Variants in TRMT11 observed in about 807,000 individuals in gnomAD.
The protein encoded by TRMT11 is tRNA methyltransferase 11.
TRMT11 carries 53 observed loss-of-function variants against 62.8 expected under a neutral mutation model. The observed-to-expected ratio is 0.84, with a 90% CI of 0.68 to 1.06. The LOEUF is 1.06. Ranked by LOEUF, TRMT11 falls within the 50% of genes least tolerant of loss-of-function variation. The pLI is 0.00. For missense variants in TRMT11, 556 were observed against 553.4 expected (o/e 1.00, Z -0.05); for synonymous variants, 188 against 190.3 (o/e 0.99, Z 0.10).
chr6:126,092,794 T>A (rs1424594528), intron 17 of TRMT11, among the ~76,000 whole-genome samples: 1 of 152,252 alleles, frequency 6.6e-6, no homozygotes, highest in Non-Finnish European at 1.5e-5. Context: ...ATCCAGTGTT[T>A]CTGTTTCCAA....
chr6:126,253,880 C>G, the TRMT11 span, among the ~76,000 whole-genome samples: 1 of 152,144 alleles, frequency 6.6e-6, no homozygotes, highest in Non-Finnish European at 1.5e-5. Context: ...TAGAATTTTT[C>G]CATTTATGTA....
At chr6:126,092,429 C>T (rs2128168872) in intron 17 of TRMT11, among the ~76,000 whole-genome samples, 1 of 152,276 alleles carries the variant, frequency 6.6e-6, no homozygotes, top group Admixed American at 6.5e-5. Flanking sequence ...AGAAAACCAT[C>T]AGATCTCATG....
At chr6:126,101,725 G>A (rs561961987) in intron 17 of TRMT11, among the ~76,000 whole-genome samples, 5 of 152,312 alleles carry the variant, frequency 3.3e-5, no homozygotes, top group African/African-American at 4.8e-5. Flanking sequence ...GGAAGCTGCC[G>A]CATTTCCAGT....
chr6:126,044,411 T>C (rs1775985480), intron 16 of TRMT11, among the ~76,000 whole-genome samples: 2 of 152,354 alleles, frequency 1.3e-5, no homozygotes, highest in South Asian at 2.1e-4. Flanking sequence ...TCCGTCGATC[T>C]ATATCTCTGT....
intron 17 of TRMT11, among the ~76,000 whole-genome samples, chr6:126,056,776 G>A (rs567952421): frequency 1.3e-5 from 2 of 152,326 alleles, no homozygotes; most frequent in African/African-American, 2.4e-5. Flanking sequence ...TCTGATGTGC[G>A]GTTAAATGTG....
intron 17 of TRMT11, among the ~76,000 whole-genome samples, chr6:126,093,626 TATA>T (rs1562321441): frequency 9.5e-6 from 1 of 105,516 alleles, no homozygotes; most frequent in African/African-American, 4.8e-5. Context: ...TATATATATA[TATA>T]TATTTTCCCC....
intron 1 of TRMT11, 47 bp downstream of exon 1, chr6:125,986,669 G>C (rs1481598287): frequency 2.0e-6 from 3 of 1,497,564 alleles, no homozygotes; most frequent in Non-Finnish European, 2.7e-6. Flanking sequence ...GAGGACGCTG[G>C]AGTGGAGTGG....
At chr6:126,008,586 C>A in intron 8 of TRMT11, 114 bp downstream of exon 8, 1 of 899,436 alleles carries the variant, frequency 1.1e-6, no homozygotes, top group Non-Finnish European at 1.9e-6. Flanking sequence ...TCCACTTATA[C>A]TCAGATTTAT....
chr6:126,011,115 ATAAAATTAAGATTT>A (rs1439690815), intron 8 of TRMT11, 124 bp from the exon 9 acceptor site: 4 of 650,868 alleles, frequency 6.1e-6, no homozygotes, highest in East Asian at 5.7e-5. Flanking sequence ...ACTTGTATAC[ATAAAATTAAGATTT>A]TAAATGAAAG....
intron 1 of TRMT11, among the ~76,000 whole-genome samples, chr6:126,195,375 A>T (rs1382625204): frequency 2.6e-5 from 4 of 152,212 alleles, no homozygotes; most frequent in Non-Finnish European, 5.9e-5. Context: ...TCTTGCCTTT[A>T]TCCAAATATT....
At chr6:126,027,805 A>G (rs1011761479) in intron 12 of TRMT11, among the ~76,000 whole-genome samples, 2 of 152,208 alleles carry the variant, frequency 1.3e-5, no homozygotes, top group African/African-American at 4.8e-5. Context: ...AGTGTGGCCA[A>G]AACTGAGGGT....
the TRMT11 span, among the ~76,000 whole-genome samples, chr6:126,244,512 A>G: frequency 6.6e-6 from 1 of 152,202 alleles, no homozygotes; most frequent in Non-Finnish European, 1.5e-5. Flanking sequence ...CCTAAAGGGC[A>G]ACTATTACAA....
At chr6:126,043,625 C>T (rs1204914345), downstream of TRMT11, among the ~76,000 whole-genome samples, 1 of 152,112 alleles carries the variant, frequency 6.6e-6, no homozygotes, top group African/African-American at 2.4e-5. Flanking sequence ...TGAGGAATTG[C>T]CACACTGACT....
intron 1 of TRMT11, among the ~76,000 whole-genome samples, chr6:125,987,533 TA>T (rs1470489883): frequency 6.6e-6 from 1 of 152,124 alleles, no homozygotes; most frequent in Non-Finnish European, 1.5e-5. Flanking sequence ...ACCACAAAAT[TA>T]AATCAGTTTG....
Position 126,030,356 on chromosome 6 carries a change from G to A in TRMT11, c.1261-8349G>A, listed in dbSNP as rs547849962. On this transcript the variant is annotated intron_variant, in intron 12 of 12. Transcript: ENST00000334379. ...GCTGAACTGAGCCCCGTTATATTCAGCACTGTCATTTACATTTCATTTCAC... is the reference window on the plus strand; with the variant it reads ...GCTGAACTGAGCCCCGTTATATTCAACACTGTCATTTACATTTCATTTCAC... Among the ~76,000 whole-genome samples the A allele has an allele frequency of 3.5e-3, 536 of 152,268 alleles. 3 individuals carry two copies. Among genetic ancestry groups the A allele is most frequent in the African/African-American group, 0.012 (479 of 41,566 alleles).
At chr6:126,267,688 C>A in the TRMT11 span, among the ~76,000 whole-genome samples, 4 of 151,840 alleles carry the variant, frequency 2.6e-5, no homozygotes, top group Non-Finnish European at 4.4e-5. Context: ...GAAAAATGAG[C>A]AAGAAAATTT....
At chr6:126,046,130 C>G (rs1776049995) in intron 16 of TRMT11, among the ~76,000 whole-genome samples, 1 of 152,042 alleles carries the variant, frequency 6.6e-6, no homozygotes, top group African/African-American at 2.4e-5. Flanking sequence ...GCCCCCCAAC[C>G]TTGGAAAAGT....
At chr6:126,050,050 T>C (rs1033279488) in intron 16 of TRMT11, among the ~76,000 whole-genome samples, 1 of 152,138 alleles carries the variant, frequency 6.6e-6, no homozygotes, top group African/African-American at 2.4e-5. Flanking sequence ...TGTATTGGAC[T>C]GGGCATGGTG....
intron 17 of TRMT11, among the ~76,000 whole-genome samples, chr6:126,075,728 C>T (rs972436991): frequency 1.3e-5 from 2 of 152,136 alleles, no homozygotes; most frequent in Non-Finnish European, 2.9e-5. Flanking sequence ...AAGGTAATTA[C>T]CTCTAGCTGC....
Sources: gnomAD v4.1 joint callset for allele counts (sites outside exome capture counted in the v4.1 genomes callset) on GRCh38, gnomAD v4.1.1 for gene constraint, MANE v1.5 for transcripts, NCBI Gene and HGNC (gene_info 2026-07-23, HGNC 2026-07-21) for gene names.